The following STAU1 variants were observed in gnomAD, a reference collection of about 807,000 sequenced individuals.
The protein encoded by STAU1 is staufen double-stranded RNA binding protein 1, also known as double-stranded RNA-binding protein Staufen homolog 1.
Under a neutral mutation model 62.9 loss-of-function variants are expected in STAU1, and 13 were observed. The observed-to-expected ratio is 0.21, with a 90% CI of 0.13 to 0.33. The LOEUF is 0.33. Ranked by LOEUF, STAU1 falls within the 10% of genes least tolerant of loss-of-function variation. The pLI, the probability that STAU1 is intolerant of heterozygous loss-of-function variation, is 1.00. For missense variants in STAU1, 571 were observed against 712.1 expected, an observed-to-expected ratio of 0.80 and a Z score of 2.25; for synonymous variants, 269 against 265.1, an observed-to-expected ratio of 1.01 and a Z score of -0.14.
the STAU1 span, among the ~76,000 whole-genome samples, chr20:49,215,378 C>T: frequency 6.6e-6 from 1 of 152,100 alleles, no homozygotes; most frequent in Admixed American, 6.6e-5. Flanking sequence ...ACCTACCAAC[C>T]TTCTGACCTT....
At chr20:49,219,165 ACTCTCTCACC>A in the STAU1 span, 53 of 574,242 alleles carry the variant, frequency 9.2e-5, no homozygotes, top group East Asian at 1.4e-3. Context: ...AACTCTTTAG[ACTCTCTCACC>A]CTTCCACCCT....
intron 3 of STAU1, among the ~76,000 whole-genome samples, chr20:49,156,967 C>T (rs2093369189): frequency 6.6e-6 from 1 of 151,984 alleles, no homozygotes; most frequent in African/African-American, 2.4e-5. Context: ...ACCTCCACCT[C>T]CTGGGTTCAA....
chr20:49,197,859 C>T, the STAU1 span, among the ~76,000 whole-genome samples: 2 of 152,152 alleles, frequency 1.3e-5, 1 homozygote, highest in African/African-American at 4.8e-5. Flanking sequence ...GTGCACACCA[C>T]CACCGCCAAC....
At chr20:49,155,679 G>C (rs1192627967) in intron 3 of STAU1, among the ~76,000 whole-genome samples, 2 of 152,206 alleles carry the variant, frequency 1.3e-5, no homozygotes, top group South Asian at 4.1e-4. Context: ...GGTTTGCACA[G>C]AGGGCCACAT....
intron 6 of STAU1, among the ~76,000 whole-genome samples, chr20:49,126,807 A>G (rs2092637353): frequency 6.6e-6 from 1 of 152,094 alleles, no homozygotes; most frequent in Middle Eastern, 3.4e-3. Flanking sequence ...AAAACAAATT[A>G]AAAATCTCTT....
At chr20:49,206,719 T>A in the STAU1 span, among the ~76,000 whole-genome samples, 83 of 106,038 alleles carry the variant, frequency 7.8e-4, 2 homozygotes, top group South Asian at 9.0e-3. Context: ...AAATGAAATT[T>A]TATATATATA....
chr20:49,136,228 G>C (rs1264923406), intron 5 of STAU1, among the ~76,000 whole-genome samples: 3 of 152,188 alleles, frequency 2.0e-5, no homozygotes, highest in Non-Finnish European at 4.4e-5. Context: ...TTGAGCCCAG[G>C]AGATCGAGGC....
At chr20:49,204,602 A>ATATATATATATGTG in the STAU1 span, among the ~76,000 whole-genome samples, 1 of 43,484 alleles carries the variant, frequency 2.3e-5, no homozygotes, top group African/African-American at 5.9e-5. Context: ...TTATATATAT[A>ATATATATATATGTG]TATATATATA....
At chr20:49,120,256 GC>G in intron 8 of STAU1, 128 bp from the exon 9 acceptor site, 1 of 1,062,638 alleles carries the variant, frequency 9.4e-7, no homozygotes, top group Non-Finnish European at 1.3e-6. Context: ...CCCGAACCTG[GC>G]CTCCTTGTCT....
intron 3 of STAU1, 141 bp from the exon 4 acceptor site, chr20:49,154,212 A>G: frequency 1.3e-6 from 1 of 769,160 alleles, no homozygotes; most frequent in South Asian, 2.1e-5. Flanking sequence ...ACTGCTAGGC[A>G]TCAGACAAGG....
At chr20:49,145,423 CAAAAAAAAAA>C (rs35023867) in intron 5 of STAU1, among the ~76,000 whole-genome samples, 13 of 40,148 alleles carry the variant, frequency 3.2e-4, no homozygotes, top group Non-Finnish European at 4.4e-4. Context: ...GACTCCGTCT[CAAAAAAAAAA>C]AAAAAAAAAA....
At chr20:49,219,187 CT>C in the STAU1 span, 6 of 650,366 alleles carry the variant, frequency 9.2e-6, no homozygotes, top group Non-Finnish European at 1.6e-5. Flanking sequence ...TTCCACCCTC[CT>C]CAAATACTGC....
At chr20:49,155,078 C>T (rs1036443024) in intron 3 of STAU1, among the ~76,000 whole-genome samples, 1 of 104,912 alleles carries the variant, frequency 9.5e-6, no homozygotes, top group Non-Finnish European at 1.9e-5. Flanking sequence ...AAGAGCAAAA[C>T]TCTGTCTTAA....
the STAU1 span, among the ~76,000 whole-genome samples, chr20:49,206,749 A>ATTTTTTTT: frequency 2.7e-5 from 2 of 73,154 alleles, no homozygotes; most frequent in African/African-American, 1.1e-4. Context: ...ATATATATAT[A>ATTTTTTTT]TATTTTATTT....
chr20:49,182,820 C>G (rs2093742157), intron 1 of STAU1, among the ~76,000 whole-genome samples: 1 of 136,982 alleles, frequency 7.3e-6, no homozygotes, highest in Non-Finnish European at 1.5e-5. Flanking sequence ...GCCTGGGTAA[C>G]AGAGCCAGAC....
intron 9 of STAU1, among the ~76,000 whole-genome samples, chr20:49,119,668 T>G (rs965603507): frequency 2.3e-4 from 35 of 152,196 alleles, no homozygotes; most frequent in Non-Finnish European, 1.2e-4. Flanking sequence ...AAATCACACT[T>G]AGTAATTTCA....
the STAU1 span, among the ~76,000 whole-genome samples, chr20:49,208,831 C>A: frequency 6.6e-6 from 1 of 150,772 alleles, no homozygotes; most frequent in African/African-American, 2.4e-5. Context: ...AACATGTTAG[C>A]CAGGATGGTC....
chr20:49,206,690 T>A, the STAU1 span, among the ~76,000 whole-genome samples: 11 of 141,886 alleles, frequency 7.8e-5, no homozygotes, highest in African/African-American at 1.5e-4. Flanking sequence ...CTCTATTTTT[T>A]AAAAAATAAT....
At chr20:49,207,547 G>A in the STAU1 span, among the ~76,000 whole-genome samples, 2,667 of 152,152 alleles carry the variant, frequency 0.018, 32 homozygotes, top group Middle Eastern at 0.065. Context: ...ACAGAGTCTC[G>A]CACTGTTGCC....
Sources: allele counts gnomAD v4.1 joint callset (sites outside exome capture counted in the v4.1 genomes callset), GRCh38; gene constraint gnomAD v4.1.1; transcripts MANE v1.5; gene names NCBI Gene and HGNC (gene_info 2026-07-23, HGNC 2026-07-21).